GADL1: variants seen among roughly 807,000 people sequenced by gnomAD.
The protein encoded by GADL1 is acidic amino acid decarboxylase GADL1.
GADL1 carries 71 observed loss-of-function variants against 69.5 expected under a neutral mutation model. The observed-to-expected ratio is 1.02, with a 90% confidence interval of 0.84 to 1.25. The LOEUF (loss-of-function observed/expected upper bound fraction) is 1.25, where lower values mean the gene tolerates loss of function less well. Ranked by LOEUF, GADL1 falls within the 50% of genes most tolerant of loss-of-function variation. GADL1 has a pLI of 0.00. For synonymous variants in GADL1, 254 were observed against 214.4 expected (o/e 1.18, Z -1.62); for missense variants, 737 against 631.8 (o/e 1.17, Z -1.79).
chr3:30,889,426 C>T (rs1049180133), intron 1 of GADL1, among the ~76,000 whole-genome samples: 45 of 152,200 alleles, frequency 3.0e-4, no homozygotes, highest in Non-Finnish European at 3.2e-4. Context: ...TTGCAAACAC[C>T]TCAAGCACAC....
rs1199699601 is a variant in GADL1 at position 30,816,532 on chromosome 3, T to TAA, written c.1051-15445_1051-15444insTT. 3.9e-3 allele frequency among the ~76,000 whole-genome samples: 158 copies of TAA among 40,530 alleles called. 2 individuals are homozygous for TAA. Among genetic ancestry groups the TAA allele is most frequent in the African/African-American group, 0.024 (130 of 5,326 alleles). The allele number at this position is 40,530 out of a possible 152,430, so 26.6% of individuals were successfully genotyped here. A position where few individuals can be genotyped will look rare whatever the true frequency, so the allele number is the denominator to read the frequency against. On this transcript the variant is annotated intron_variant, in intron 11 of 14. Transcript: ENST00000282538. ...ACCATATATTCTTAATTTGTTTTCT[T>TAA]TTTTTTTTTTTTTTTTTTTTTTTTT...
At chr3:30,740,960 T>TTATATATTATATATTAA (rs941652968) in intron 14 of GADL1, among the ~76,000 whole-genome samples, 80 of 134,860 alleles carry the variant, frequency 5.9e-4, no homozygotes, top group South Asian at 4.4e-4. Context: ...AATATATTTA[T>TTATATATTATATATTAA]TATATATTAT....
At chr3:30,753,725 C>G (rs559903322) in intron 14 of GADL1, among the ~76,000 whole-genome samples, 5 of 151,572 alleles carry the variant, frequency 3.3e-5, no homozygotes, top group Non-Finnish European at 1.5e-5. Flanking sequence ...GGCACAAGTA[C>G]AATAAATGAA....
At chr3:30,755,759 C>T (rs1423816096) in intron 14 of GADL1, among the ~76,000 whole-genome samples, 2 of 152,028 alleles carry the variant, frequency 1.3e-5, no homozygotes, top group Non-Finnish European at 2.9e-5. Context: ...ATGAATGAAA[C>T]AAAAGGCAAA....
chr3:30,830,797 TAAG>T lies in GADL1; in HGVS notation c.1050+3053_1050+3055del, dbSNP rs889939099. On this transcript the variant is annotated intron_variant, in intron 11 of 14. Transcript: ENST00000282538. ...GACTTCCTCACTTGAATATACCTCT[TAAG>T]AACCTCAAATTTACTATGAGCAGCA... Among the ~76,000 whole-genome samples, 19 of 152,052 alleles carry T rather than the reference TAAG, an allele frequency of 1.2e-4. No individual in the cohort carries two copies. In the East Asian group the frequency reaches 3.5e-3, roughly 28 times the overall value.
intron 14 of GADL1, among the ~76,000 whole-genome samples, chr3:30,769,388 A>G (rs189957990): frequency 4.8e-4 from 72 of 150,866 alleles, no homozygotes; most frequent in Non-Finnish European, 8.4e-4. Context: ...GCACACACGC[A>G]CACACACACA....
rs568598411 is a variant in GADL1, at chr3:30,856,385, T to C, written c.337+630A>G. Among the ~76,000 whole-genome samples, 14 of 152,206 alleles carry C rather than the reference T, an allele frequency of 9.2e-5. No homozygotes were observed. In the South Asian group the frequency reaches 2.9e-3, roughly 32 times the overall value. ...CTAGAATGGTGCCTCAGTGTAAGAT[T>C]GACATCACATTACTGCACGTACAAA... On this transcript the variant is annotated intron_variant, in intron 3 of 14. Transcript: ENST00000282538.
intron 8 of GADL1, among the ~76,000 whole-genome samples, chr3:30,839,524 A>C (rs1261934683): frequency 6.6e-6 from 1 of 151,298 alleles, no homozygotes; most frequent in Admixed American, 6.6e-5. Flanking sequence ...CAAAAAAAAA[A>C]AAAGGTTGGA....
At chr3:30,801,329 G>A (rs781305914) in intron 11 of GADL1, among the ~76,000 whole-genome samples, 1 of 152,006 alleles carries the variant, frequency 6.6e-6, no homozygotes, top group African/African-American at 2.4e-5. Flanking sequence ...ATTTTACTGA[G>A]TATTGAGAAG....
intron 8 of GADL1, 50 bp downstream of exon 8, chr3:30,844,160 T>A: frequency 7.0e-7 from 1 of 1,429,730 alleles, no homozygotes; most frequent in East Asian, 2.3e-5. Flanking sequence ...CGCGCGGGCG[T>A]GCGCGCACAC....
At chr3:30,835,541 A>G (rs1411945215) in intron 9 of GADL1, among the ~76,000 whole-genome samples, 1 of 152,084 alleles carries the variant, frequency 6.6e-6, no homozygotes, top group African/African-American at 2.4e-5. Flanking sequence ...ATCCCACTTA[A>G]AAACAACTTT....
intron 1 of GADL1, among the ~76,000 whole-genome samples, chr3:30,870,653 C>T (rs752527238): frequency 7.3e-5 from 11 of 151,546 alleles, no homozygotes; most frequent in Non-Finnish European, 1.0e-4. Context: ...CTGCTTAGGT[C>T]ACAACTGTAG....
intron 14 of GADL1, among the ~76,000 whole-genome samples, chr3:30,750,098 C>G (rs976766375): frequency 6.6e-5 from 10 of 152,016 alleles, no homozygotes; most frequent in Non-Finnish European, 1.5e-4. Flanking sequence ...CCTCTTTCTC[C>G]TTCTTCATCA....
rs760972449 is a variant in GADL1, at chr3:30,844,272, A to G, written c.732-8T>C. 2 of 1,610,418 alleles carry G rather than the reference A, an allele frequency of 1.2e-6. No homozygotes were observed. Among genetic ancestry groups the G allele is most frequent in the Non-Finnish European group, 1.7e-6 (2 of 1,178,074 alleles). On this transcript the variant is annotated splice_polypyrimidine_tract_variant and splice_region_variant and intron_variant, in intron 7 of 14. Transcript: ENST00000282538. ...TCAGGTATCATTTTACCTCTAAGGG[A>G]CAAAGATTTGAGACTTTCAGTTATG...
In GADL1 at chr3:30,840,816, T is replaced by C. The variant is rs570819465; in HGVS notation, c.787-1703A>G. ...TCTTCCCCATATCTCCTGCTGTTAA[T>C]GAGAATTCAGTAGAAACAGTATTGA... is the stretch of plus-strand genomic sequence containing the variant. On this transcript the variant is annotated intron_variant, in intron 8 of 14. Coordinates refer to ENST00000282538, the MANE Select transcript of GADL1 (RefSeq NM_207359.3). Among the ~76,000 whole-genome samples the C allele has an allele frequency of 4.6e-5, 7 of 152,354 alleles. No homozygotes were observed. In the South Asian group the frequency reaches 1.2e-3, roughly 27 times the overall value.
At chr3:30,878,834 C>T (rs1187293370) in intron 1 of GADL1, among the ~76,000 whole-genome samples, 1 of 151,696 alleles carries the variant, frequency 6.6e-6, no homozygotes, top group Admixed American at 6.6e-5. Context: ...CCACATGAGC[C>T]CACATTGCTG....
At chr3:30,748,209 T>G (rs1695739258) in intron 14 of GADL1, among the ~76,000 whole-genome samples, 1 of 152,186 alleles carries the variant, frequency 6.6e-6, no homozygotes, top group South Asian at 2.1e-4. Context: ...GTGAAGGATA[T>G]GAGGAAGCGC....
intron 14 of GADL1, among the ~76,000 whole-genome samples, chr3:30,762,747 C>T (rs811234): frequency 0.46 from 69,373 of 151,938 alleles, 15,989 homozygotes; most frequent in African/African-American, 0.51. Flanking sequence ...ACCTCCCAGA[C>T]CCCCACTATC....
At chr3:30,875,212 A>AG (rs1388266321) in intron 1 of GADL1, among the ~76,000 whole-genome samples, 1 of 147,212 alleles carries the variant, frequency 6.8e-6, no homozygotes, top group Non-Finnish European at 1.5e-5. Context: ...AAGGATATAG[A>AG]GAAAAAAAAA....
Sources: allele counts gnomAD v4.1 joint callset (sites outside exome capture counted in the v4.1 genomes callset), GRCh38; gene constraint gnomAD v4.1.1; transcripts MANE v1.5; gene names NCBI Gene and HGNC (gene_info 2026-07-23, HGNC 2026-07-21).